CDH4: variants seen among roughly 807,000 people sequenced by gnomAD.
CDH4 encodes the protein cadherin-4.
A neutral mutation model predicts 86.0 loss-of-function variants in CDH4; 33 were observed. That is an observed-to-expected ratio of 0.38 (90% confidence interval 0.29 to 0.51). The LOEUF (loss-of-function observed/expected upper bound fraction) is 0.51. CDH4 is among the 20% of genes least tolerant of loss of function. The probability of loss-of-function intolerance (pLI) is 0.86; values close to 1 mark genes in which losing one functional copy is unlikely to be tolerated. For synonymous variants in CDH4, 555 were observed against 549.4 expected (o/e 1.01, Z -0.14); for missense variants, 1,114 against 1,307.4 (o/e 0.85, Z 2.28).
intron 2 of CDH4, among the ~76,000 whole-genome samples, chr20:61,483,143 A>G (rs950054907): frequency 2.0e-5 from 3 of 152,198 alleles, no homozygotes; most frequent in Non-Finnish European, 2.9e-5. Flanking sequence ...GAGTCCAGGT[A>G]GATAGGAACA....
At chr20:61,331,888 CAGT>C (rs1383243202) in intron 2 of CDH4, among the ~76,000 whole-genome samples, 3 of 152,156 alleles carry the variant, frequency 2.0e-5, no homozygotes, top group Non-Finnish European at 4.4e-5. Flanking sequence ...GCCTGGCACA[CAGT>C]AGGCGTGTAA....
chr20:61,528,838 G>GTGA (rs1329422416), intron 2 of CDH4, among the ~76,000 whole-genome samples: 31 of 148,136 alleles, frequency 2.1e-4, no homozygotes, highest in Admixed American at 2.1e-3. Context: ...AGGGGAACTC[G>GTGA]TGATGATCTT....
intron 4 of CDH4, among the ~76,000 whole-genome samples, chr20:61,828,294 C>T (rs952367509): frequency 6.6e-6 from 1 of 152,196 alleles, no homozygotes; most frequent in Non-Finnish European, 1.5e-5. Context: ...CCACCCGCCA[C>T]CTGTGAAGTA....
intron 2 of CDH4, among the ~76,000 whole-genome samples, chr20:61,340,229 G>C (rs567111921): frequency 6.6e-6 from 1 of 152,272 alleles, no homozygotes; most frequent in African/African-American, 2.4e-5. Flanking sequence ...AACAGGTGAC[G>C]AGGAATGAGA....
intron 2 of CDH4, among the ~76,000 whole-genome samples, chr20:61,601,982 A>G (rs1018815450): frequency 6.6e-6 from 1 of 152,220 alleles, no homozygotes; most frequent in African/African-American, 2.4e-5. Flanking sequence ...ACGCATGCCC[A>G]CAGTGCCGCC....
chr20:61,845,012 T>C (rs1306272182), intron 5 of CDH4, among the ~76,000 whole-genome samples, 189 bp downstream of exon 5: 5 of 152,240 alleles, frequency 3.3e-5, no homozygotes, highest in African/African-American at 1.2e-4. Flanking sequence ...CCCCGTCTAA[T>C]TCAGCAGGGT....
chr20:61,398,142 A>AATG (rs1201292250), intron 2 of CDH4, among the ~76,000 whole-genome samples: 2 of 152,246 alleles, frequency 1.3e-5, no homozygotes, highest in Non-Finnish European at 2.9e-5. Flanking sequence ...ATGAGCATTC[A>AATG]AGCGTATCAG....
rs536398041 is a variant in CDH4 at position 61,276,046 on chromosome 20, T to A, written c.169+21109T>A. On this transcript the variant is annotated intron_variant, in intron 2 of 15. Transcript: ENST00000614565. Reference sequence around the variant, plus strand: ...CAGCGGGTTCGTTATGCAGGAGCACTGCAGAGCGGTGATACGGGACGTGCA... The same window carrying A: ...CAGCGGGTTCGTTATGCAGGAGCACAGCAGAGCGGTGATACGGGACGTGCA... Among the ~76,000 whole-genome samples the A allele has an allele frequency of 5.9e-5, 9 of 152,322 alleles. No homozygotes were observed. The East Asian group carries it at 1.7e-3, about 29-fold the overall frequency.
At chr20:61,281,944 G>A (rs1479812899) in intron 2 of CDH4, among the ~76,000 whole-genome samples, 2 of 152,216 alleles carry the variant, frequency 1.3e-5, no homozygotes, top group African/African-American at 4.8e-5. Context: ...AAACCGATGT[G>A]AAGGGAGTGG....
At chr20:61,831,627 C>G (rs1441010424) in intron 4 of CDH4, among the ~76,000 whole-genome samples, 2 of 152,232 alleles carry the variant, frequency 1.3e-5, no homozygotes, top group African/African-American at 2.4e-5. Context: ...CCGAACAAAG[C>G]AAATGTCCGG....
intron 2 of CDH4, among the ~76,000 whole-genome samples, chr20:61,679,335 C>T (rs950532136): frequency 1.1e-4 from 16 of 152,116 alleles, no homozygotes; most frequent in African/African-American, 3.9e-4. Flanking sequence ...GTCAGGGCCC[C>T]TGGAGGGCTT....
chr20:61,743,330 A>G (rs1568790586), intron 2 of CDH4, among the ~76,000 whole-genome samples: 2 of 152,246 alleles, frequency 1.3e-5, no homozygotes, highest in African/African-American at 2.4e-5. Flanking sequence ...TGTTGTAAAT[A>G]GAATGGAAGC....
At chr20:61,610,117 T>C (rs2086673651) in intron 2 of CDH4, among the ~76,000 whole-genome samples, 2 of 152,182 alleles carry the variant, frequency 1.3e-5, no homozygotes, top group Admixed American at 6.5e-5. Flanking sequence ...TTTGTACCCA[T>C]GAACCGACCT....
intron 2 of CDH4, among the ~76,000 whole-genome samples, chr20:61,422,583 A>T (rs1301539229): frequency 1.3e-5 from 2 of 152,134 alleles, no homozygotes. Flanking sequence ...CATGCCAGAA[A>T]TTCTCTTCTC....
chr20:61,927,379 G>A (rs547652319), intron 11 of CDH4, among the ~76,000 whole-genome samples: 56 of 152,332 alleles, frequency 3.7e-4, no homozygotes, highest in African/African-American at 1.2e-3. Context: ...CCCCTGAGGA[G>A]CTCTGGGGGC....
intron 4 of CDH4, among the ~76,000 whole-genome samples, chr20:61,796,069 C>T (rs1235597367): frequency 6.6e-6 from 1 of 152,002 alleles, no homozygotes; most frequent in Non-Finnish European, 1.5e-5. Flanking sequence ...CCTCCCCCTC[C>T]CTCAAGCCCA....
intron 2 of CDH4, among the ~76,000 whole-genome samples, chr20:61,545,894 C>A (rs1320495782): frequency 1.5e-5 from 1 of 65,646 alleles, no homozygotes; most frequent in East Asian, 5.1e-4. Flanking sequence ...GGTATGTGTT[C>A]GTATGTGTGT....
chr20:61,758,933 A>T (rs1002996629), intron 3 of CDH4, among the ~76,000 whole-genome samples: 12 of 152,244 alleles, frequency 7.9e-5, no homozygotes, highest in African/African-American at 2.9e-4. Context: ...ACCTGTGTGC[A>T]TGGGTGTACA....
intron 4 of CDH4, among the ~76,000 whole-genome samples, chr20:61,780,267 C>T (rs1052037019): frequency 3.9e-5 from 6 of 152,152 alleles, no homozygotes; most frequent in Non-Finnish European, 2.9e-5. Context: ...CCCCCCTCAG[C>T]CTGGAGGGTT....
Sources: gnomAD v4.1 joint callset for allele counts (sites outside exome capture counted in the v4.1 genomes callset) on GRCh38, gnomAD v4.1.1 for gene constraint, MANE v1.5 for transcripts, NCBI Gene and HGNC (gene_info 2026-07-23, HGNC 2026-07-21) for gene names.